Variants in IL1RAPL2 observed in about 807,000 individuals in gnomAD.
IL1RAPL2 encodes interleukin 1 receptor accessory protein like 2.
Under a neutral mutation model 44.1 loss-of-function variants are expected in IL1RAPL2, and 3 were observed. The ratio of observed to expected loss-of-function variants is 0.07; its 90% CI spans 0.03 to 0.18. The LOEUF (loss-of-function observed/expected upper bound fraction) is 0.18, where lower values mean the gene tolerates loss of function less well. Among genes scored for constraint, IL1RAPL2 ranks in the 10% least tolerant of loss-of-function variants. The probability of loss-of-function intolerance (pLI) is 1.00; values close to 1 mark genes in which losing one functional copy is unlikely to be tolerated. For synonymous variants in IL1RAPL2, 181 were observed against 178.8 expected, an observed-to-expected ratio of 1.01 and a Z score of -0.10; for missense variants, 391 against 496.4, an observed-to-expected ratio of 0.79 and a Z score of 2.02.
intron 2 of IL1RAPL2, among the ~76,000 whole-genome samples, chrX:105,126,621 C>T (rs1163994240): frequency 9.0e-6 from 1 of 111,180 alleles, no homozygotes; most frequent in East Asian, 2.8e-4. Flanking sequence ...AATTTCCATT[C>T]AGCTATTTGC....
chrX:104,720,930 T>C (rs1418183670), intron 2 of IL1RAPL2, among the ~76,000 whole-genome samples: 1 of 110,919 alleles, frequency 9.0e-6, no homozygotes, highest in Non-Finnish European at 1.9e-5. Context: ...ATGAAAAAAG[T>C]CTCAACATAA....
chrX:104,671,058 TATTC>T (rs1278907158), intron 2 of IL1RAPL2, among the ~76,000 whole-genome samples: 1 of 111,332 alleles, frequency 9.0e-6, no homozygotes, highest in Non-Finnish European at 1.9e-5. Flanking sequence ...TTAGTTCACT[TATTC>T]ATTCAATACT....
chrX:104,727,796 AT>A (rs529219956), intron 2 of IL1RAPL2, among the ~76,000 whole-genome samples: 284 of 103,522 alleles, frequency 2.7e-3, no homozygotes, highest in African/African-American at 6.3e-3. Context: ...TTGTTTTTGG[AT>A]TTTTTTTTTT....
intron 2 of IL1RAPL2, among the ~76,000 whole-genome samples, chrX:104,865,687 G>A (rs888646598): frequency 2.7e-5 from 3 of 112,402 alleles, no homozygotes; most frequent in South Asian, 3.7e-4. Flanking sequence ...TGAGTGTTCC[G>A]CACTTCATCT....
intron 7 of IL1RAPL2, among the ~76,000 whole-genome samples, chrX:105,723,793 G>C (rs909799008): frequency 5.4e-5 from 6 of 110,860 alleles, no homozygotes; most frequent in African/African-American, 2.0e-4. Flanking sequence ...TTTTATAAGG[G>C]CACTAATCCC....
intron 4 of IL1RAPL2, among the ~76,000 whole-genome samples, chrX:105,236,481 A>G (rs905724643): frequency 1.8e-5 from 2 of 112,647 alleles, no homozygotes; most frequent in Admixed American, 1.9e-4. Flanking sequence ...TGCAATTCTT[A>G]GAACTACCAT....
chrX:104,815,124 A>G (rs1921099374), intron 2 of IL1RAPL2, among the ~76,000 whole-genome samples: 1 of 111,950 alleles, frequency 8.9e-6, no homozygotes, highest in South Asian at 3.7e-4. Context: ...TAGGAGTTCA[A>G]TAGTGGAGAA....
At chrX:104,997,597 A>G (rs746597052) in intron 2 of IL1RAPL2, among the ~76,000 whole-genome samples, 1 of 112,029 alleles carries the variant, frequency 8.9e-6, no homozygotes, top group African/African-American at 3.2e-5. Context: ...CAACAGTTAG[A>G]AAAAGATAAT....
At chrX:104,926,670 C>T (rs755166506) in intron 2 of IL1RAPL2, among the ~76,000 whole-genome samples, 1 of 111,672 alleles carries the variant, frequency 9.0e-6, no homozygotes, top group Non-Finnish European at 1.9e-5. Flanking sequence ...TTGATGTATC[C>T]CATCATATAA....
intron 2 of IL1RAPL2, among the ~76,000 whole-genome samples, chrX:104,844,050 C>T (rs1921978553): frequency 9.2e-6 from 1 of 109,144 alleles, no homozygotes; most frequent in Non-Finnish European, 1.9e-5. Context: ...CTTTTAACTT[C>T]TGATGATCTA....
At chrX:105,508,178 G>A (rs1340525335) in intron 6 of IL1RAPL2, among the ~76,000 whole-genome samples, 1 of 111,074 alleles carries the variant, frequency 9.0e-6, no homozygotes, top group Non-Finnish European at 1.9e-5. Context: ...GAGCACAAAA[G>A]AGAGTTATTA....
chrX:105,296,524 A>T (rs1422622948), intron 5 of IL1RAPL2, among the ~76,000 whole-genome samples: 2 of 112,674 alleles, frequency 1.8e-5, no homozygotes, highest in Non-Finnish European at 3.7e-5. Flanking sequence ...GATGGTCACT[A>T]TGCAGCTGCC....
chrX:105,511,396 C>T (rs190696320), intron 6 of IL1RAPL2, among the ~76,000 whole-genome samples: 2 of 111,333 alleles, frequency 1.8e-5, no homozygotes, highest in Non-Finnish European at 3.8e-5. Flanking sequence ...AAGTCTCTTT[C>T]CTGTAGGCTA....
At chrX:105,372,580 G>T (rs2035351027) in intron 5 of IL1RAPL2, among the ~76,000 whole-genome samples, 1 of 111,144 alleles carries the variant, frequency 9.0e-6, no homozygotes, top group Non-Finnish European at 1.9e-5. Context: ...CTTCACCCAG[G>T]TATTAAGCCT....
intron 2 of IL1RAPL2, among the ~76,000 whole-genome samples, chrX:104,662,900 C>A (rs1930428117): frequency 9.0e-6 from 1 of 111,530 alleles, no homozygotes; most frequent in African/African-American, 3.3e-5. Flanking sequence ...CAAATTGGGT[C>A]ATCTTACAGT....
intron 3 of IL1RAPL2, among the ~76,000 whole-genome samples, chrX:105,197,515 T>G (rs1349815235): frequency 2.7e-5 from 3 of 111,892 alleles, no homozygotes; most frequent in Non-Finnish European, 5.6e-5. Flanking sequence ...GCTAATGTCT[T>G]CAGTCTTGTT....
intron 2 of IL1RAPL2, among the ~76,000 whole-genome samples, chrX:104,883,504 G>A (rs918849425): frequency 3.6e-5 from 4 of 111,284 alleles, no homozygotes; most frequent in Admixed American, 1.9e-4. Flanking sequence ...CGGAACTCTC[G>A]AAGTCATGTT....
At chrX:104,915,316 GTGA>G (rs1282336461) in intron 2 of IL1RAPL2, among the ~76,000 whole-genome samples, 7 of 109,843 alleles carry the variant, frequency 6.4e-5, no homozygotes, top group African/African-American at 2.3e-4. Flanking sequence ...CTGATGGCCA[GTGA>G]TGATGAGCAT....
intron 2 of IL1RAPL2, among the ~76,000 whole-genome samples, chrX:104,736,178 A>C (rs1480300724): frequency 9.0e-6 from 1 of 111,655 alleles, no homozygotes; most frequent in Admixed American, 9.5e-5. Context: ...ATCAACCTTC[A>C]CTGATCTCCT....
Sources: allele counts gnomAD v4.1 joint callset (sites outside exome capture counted in the v4.1 genomes callset), GRCh38; gene constraint gnomAD v4.1.1; transcripts MANE v1.5; gene names NCBI Gene and HGNC (gene_info 2026-07-23, HGNC 2026-07-21).